SPC24: variants seen among roughly 807,000 people sequenced by gnomAD.
The protein encoded by SPC24 is kinetochore protein Spc24.
A neutral mutation model predicts 27.6 loss-of-function variants in SPC24; 31 were observed. The observed-to-expected ratio is 1.12, with a 90% confidence interval of 0.84 to 1.52. The LOEUF is 1.52. Ranked by LOEUF, SPC24 falls within the 40% of genes most tolerant of loss-of-function variation. The pLI is 0.00. For synonymous variants in SPC24, 105 were observed against 105.8 expected (o/e 0.99, Z 0.05); for missense variants, 284 against 252.5 (o/e 1.12, Z -0.84).
chr19:11,148,148 CGA>C lies in SPC24; in HGVS notation c.306-33_306-32del, dbSNP rs749757880. ...GCAGGTCGTTAAGGACCCCGGCTTT[CGA>C]GAGAGGGCTGCCCCTGCGCTAACTG... On this transcript the variant is annotated intron_variant, in intron 2 of 4. Coordinates refer to ENST00000592540, the MANE Select transcript of SPC24 (RefSeq NM_182513.4). 1.1e-5 allele frequency: 16 copies of C among 1,502,916 alleles called. No homozygotes were observed. In the African/African-American group the frequency reaches 1.2e-4, roughly 12 times the overall value. The allele number at this position is 1,502,916 out of a possible 1,614,324, so 93.1% of individuals were successfully genotyped here. A position where few individuals can be genotyped will look rare whatever the true frequency, so the allele number is the denominator to read the frequency against.
chr19:11,152,074 C>T (rs1313397363), intron 1 of SPC24, among the ~76,000 whole-genome samples: 3 of 151,692 alleles, frequency 2.0e-5, no homozygotes, highest in African/African-American at 7.3e-5. Flanking sequence ...GCATGCACCA[C>T]CATGCCTGGC....
At chr19:11,151,192 C>CA (rs2077868650) in intron 1 of SPC24, among the ~76,000 whole-genome samples, 1 of 150,786 alleles carries the variant, frequency 6.6e-6, no homozygotes, top group Non-Finnish European at 1.5e-5. Context: ...AAATGCTTCC[C>CA]AAAGGGCCCA....
At chr19:11,150,332 C>T (rs895653361) in intron 1 of SPC24, among the ~76,000 whole-genome samples, 1 of 150,152 alleles carries the variant, frequency 6.7e-6, no homozygotes, top group Non-Finnish European at 1.5e-5. Context: ...ACTAAAAATA[C>T]AAAATTAGCT....
chr19:11,155,122 G>A (rs1470846833), intron 1 of SPC24, among the ~76,000 whole-genome samples: 1 of 152,176 alleles, frequency 6.6e-6, no homozygotes, highest in Non-Finnish European at 1.5e-5. Flanking sequence ...GGAGGTGGAG[G>A]TTGCGGTGAG....
At chr19:11,149,264 C>A in intron 1 of SPC24, 26 bp from the exon 2 acceptor site, 4 of 1,488,206 alleles carry the variant, frequency 2.7e-6, no homozygotes, top group Non-Finnish European at 3.6e-6. Flanking sequence ...AAGCAGGCTC[C>A]CTAGGGTCTG....
rs570620916 is a variant in SPC24, at chr19:11,152,638, C to A, written c.160+2979G>T. Among the ~76,000 whole-genome samples, 8 of 152,264 alleles carry A rather than the reference C, an allele frequency of 5.3e-5. 1 individual carries two copies. The South Asian group carries it at 1.7e-3, about 32-fold the overall frequency. On this transcript the variant is annotated intron_variant, in intron 1 of 4. Coordinates refer to ENST00000592540, the MANE Select transcript of SPC24 (RefSeq NM_182513.4). ...GGATGTGAACTGGATCTGTTTGACC[C>A]AAAGCCTAGGATCCCTGGATCCTGA...
Position 11,149,280 on chromosome 19 carries a change from C to G in SPC24, c.161-42G>C, listed in dbSNP as rs769011609. On this transcript the variant is annotated intron_variant, in intron 1 of 4. Transcript: ENST00000592540. Reference sequence around the variant, plus strand: ...AGCAGGCTCCCTAGGGTCTGTCCTTCCCCAAGGAGAGCAGAGAGAAGGTGG... The same window carrying G: ...AGCAGGCTCCCTAGGGTCTGTCCTTGCCCAAGGAGAGCAGAGAGAAGGTGG... The G allele has an allele frequency of 2.1e-4, 303 of 1,424,930 alleles. 1 individual carries two copies. Among genetic ancestry groups the G allele is most frequent in the Non-Finnish European group, 1.8e-4 (194 of 1,081,746 alleles). 88.3% of individuals were successfully genotyped at this position (1,424,930 alleles called of 1,614,324 possible).
intron 1 of SPC24, among the ~76,000 whole-genome samples, chr19:11,154,314 C>CG (rs2077895353): frequency 6.6e-6 from 1 of 152,048 alleles, no homozygotes; most frequent in African/African-American, 2.4e-5. Context: ...CCGAGGTGGG[C>CG]GATCACTTGA....
chr19:11,151,916 T>TC (rs1193661013), intron 1 of SPC24, among the ~76,000 whole-genome samples: 1 of 150,314 alleles, frequency 6.7e-6, no homozygotes, highest in Admixed American at 6.7e-5. Flanking sequence ...CCTTTTTTTT[T>TC]TTTTAAACTT....
chr19:11,147,302 T>G lies in SPC24; in HGVS notation c.488-13A>C. 6.5e-7 allele frequency: 1 copy of G among 1,545,606 alleles called. No individual in the cohort carries two copies. The highest frequency in any genetic ancestry group is 8.8e-7 in the Non-Finnish European group (1 of 1,140,516). On this transcript the variant is annotated splice_polypyrimidine_tract_variant and intron_variant, in intron 4 of 4. Coordinates refer to ENST00000592540, the MANE Select transcript of SPC24 (RefSeq NM_182513.4). ...GGGCCATGATGGACTGAGGCACAGA[T>G]GTAAGGAAAGCCCGGGACACACAGC...
chr19:11,154,703 G>A (rs1315130323), intron 1 of SPC24, among the ~76,000 whole-genome samples: 2 of 152,156 alleles, frequency 1.3e-5, no homozygotes, highest in East Asian at 1.9e-4. Context: ...GTTCCTAGAG[G>A]AGTCAAATTT....
intron 1 of SPC24, among the ~76,000 whole-genome samples, chr19:11,151,066 A>C (rs1016624906): frequency 1.3e-5 from 2 of 150,284 alleles, no homozygotes; most frequent in African/African-American, 4.9e-5. Flanking sequence ...GGGAGGCTGA[A>C]GCAGGAGAAT....
chr19:11,154,790 C>T (rs2077898752), intron 1 of SPC24, among the ~76,000 whole-genome samples: 2 of 152,182 alleles, frequency 1.3e-5, no homozygotes, highest in East Asian at 1.9e-4. Context: ...GGGGACAGAG[C>T]TTCAGTTTGG....
chr19:11,153,838 C>T (rs11671937), intron 1 of SPC24, among the ~76,000 whole-genome samples: 90,605 of 149,946 alleles, frequency 0.6, 28,283 homozygotes, highest in Non-Finnish European at 0.7. Flanking sequence ...GAGTCCGAGA[C>T]GTGTGGATCA....
chr19:11,152,065 C>T (rs1267410817), intron 1 of SPC24, among the ~76,000 whole-genome samples: 4 of 151,812 alleles, frequency 2.6e-5, no homozygotes, highest in Non-Finnish European at 1.5e-5. Flanking sequence ...GGATTACAGG[C>T]ATGCACCACC....
rs1027065524 is a variant in SPC24 at position 11,149,098 on chromosome 19, G to A, written c.301C>T (p.Leu101Phe). The A allele has an allele frequency of 5.9e-5, 90 of 1,529,422 alleles. No individual in the cohort carries two copies. Among genetic ancestry groups the A allele is most frequent in the Non-Finnish European group, 7.8e-5 (89 of 1,138,992 alleles). 94.7% of individuals were successfully genotyped at this position (1,529,422 alleles called of 1,614,324 possible). A position where few individuals can be genotyped will look rare whatever the true frequency, so the allele number is the denominator to read the frequency against. ...GEEDTRLKAS[L>F]LQLTRELEEL... ...TCCCCTAGCAGAAAAGGATATAGGA[G>A]GCTGGCCTTCAGACGGGTGTCCTCC... is the stretch of plus-strand genomic sequence containing the variant. Residue 101 changes from leucine to phenylalanine, a missense_variant, in exon 2 of 5, where the codon CTC (leucine) becomes TTC (phenylalanine). Transcript: ENST00000592540.
chr19:11,149,205 C>G lies in SPC24; in HGVS notation c.194G>C (p.Ser65Thr). 1 of 1,549,806 alleles carries G rather than the reference C, an allele frequency of 6.5e-7. No individual in the cohort carries two copies. The highest frequency in any genetic ancestry group is 8.7e-7 in the Non-Finnish European group (1 of 1,146,344). Reference protein sequence around the residue: ...ILTMEKEVAQSLLNAKEQVHQ... With the variant: ...ILTMEKEVAQTLLNAKEQVHQ... ...CACCTGCTCCTTCGCATTGAGAAGG[C>G]TCTGGGCCACTTCCTTCTCCATGGT... Residue 65 changes from serine (S) to threonine (T), a missense_variant, in exon 2 of 5, where the codon AGC becomes ACC. By Grantham distance (58) the Ser-to-Thr change is moderately conservative (BLOSUM62 1). Coordinates refer to ENST00000592540, the MANE Select transcript of SPC24 (RefSeq NM_182513.4).
chr19:11,152,955 GT>G (rs1208897025), intron 1 of SPC24, among the ~76,000 whole-genome samples: 1 of 151,770 alleles, frequency 6.6e-6, no homozygotes, highest in Non-Finnish European at 1.5e-5. Flanking sequence ...CAGGAACACC[GT>G]TCCTGAGCCA....
chr19:11,149,288 A>G, intron 1 of SPC24, 50 bp from the exon 2 acceptor site: 2 of 1,404,680 alleles, frequency 1.4e-6, no homozygotes, highest in Non-Finnish European at 1.9e-6. Flanking sequence ...TTCCCCAAGG[A>G]GAGCAGAGAG....
Sources: gnomAD v4.1 joint callset for allele counts (sites outside exome capture counted in the v4.1 genomes callset) on GRCh38, gnomAD v4.1.1 for gene constraint, MANE v1.5 for transcripts, NCBI Gene and HGNC (gene_info 2026-07-23, HGNC 2026-07-21) for gene names.